TUSC3: variants seen among roughly 807,000 people sequenced by gnomAD.
TUSC3 encodes tumor suppressor candidate 3, also known as dolichyl-diphosphooligosaccharide--protein glycosyltransferase subunit TUSC3.
In TUSC3, 45 loss-of-function variants were observed where a neutral mutation model predicts 44.8. That is an observed-to-expected ratio of 1.00 (90% CI 0.79 to 1.29). The LOEUF is 1.29. Among genes scored for constraint, TUSC3 ranks in the 50% most tolerant of loss-of-function variants. The pLI, the probability that TUSC3 is intolerant of heterozygous loss-of-function variation, is 0.00. For synonymous variants in TUSC3, 212 were observed against 152.9 expected (o/e 1.39, Z -2.85); for missense variants, 519 against 437.9 (o/e 1.19, Z -1.65).
intron 5 of TUSC3, among the ~76,000 whole-genome samples, chr8:15,666,555 GA>G (rs1807669484): frequency 6.6e-6 from 1 of 151,424 alleles, no homozygotes; most frequent in African/African-American, 2.4e-5. Flanking sequence ...TTTATCAGTA[GA>G]AATTTATTTC....
At chr8:15,784,295 C>G in the TUSC3 span, among the ~76,000 whole-genome samples, 1 of 151,974 alleles carries the variant, frequency 6.6e-6, no homozygotes, top group Non-Finnish European at 1.5e-5. Flanking sequence ...GAAGGTTCCT[C>G]AAAACACTAA....
At chr8:15,771,817 G>A in the TUSC3 span, among the ~76,000 whole-genome samples, 8 of 152,228 alleles carry the variant, frequency 5.3e-5, no homozygotes, top group Non-Finnish European at 8.8e-5. Context: ...GGCCGGGCAC[G>A]GTGGCTCACG....
intron 1 of TUSC3, among the ~76,000 whole-genome samples, chr8:15,456,652 T>C (rs1323332771): frequency 6.6e-6 from 1 of 152,134 alleles, no homozygotes; most frequent in Non-Finnish European, 1.5e-5. Context: ...GACTTTTTAT[T>C]AAATGAAAAT....
chr8:15,476,380 A>G (rs1266165266), intron 1 of TUSC3, among the ~76,000 whole-genome samples: 6 of 152,144 alleles, frequency 3.9e-5, no homozygotes, highest in African/African-American at 1.4e-4. Context: ...GGATGTGCTG[A>G]CTTTAACATA....
At chr8:15,616,160 A>G (rs1013354685) in intron 1 of TUSC3, among the ~76,000 whole-genome samples, 3 of 150,696 alleles carry the variant, frequency 2.0e-5, no homozygotes, top group Non-Finnish European at 4.4e-5. Context: ...CTTAAAGAAT[A>G]AAAGTAGAGA....
At chr8:15,496,271 A>G (rs1477569213) in intron 2 of TUSC3, among the ~76,000 whole-genome samples, 1 of 152,164 alleles carries the variant, frequency 6.6e-6, no homozygotes, top group Non-Finnish European at 1.5e-5. Context: ...CTTTTAACAT[A>G]TGTTCTGCCC....
rs7005507 is a variant in TUSC3 at position 15,450,612 on chromosome 8, G to T, written n.92-32774G>T. Among the ~76,000 whole-genome samples the T allele has an allele frequency of 6.8e-3, 1,042 of 152,284 alleles. 8 individuals carry two copies. The highest frequency in any genetic ancestry group is 0.023 in the African/African-American group (974 of 41,544). On this transcript the variant is annotated intron_variant and non_coding_transcript_variant, in intron 1 of 5. Coordinates refer to the TUSC3 transcript ENST00000503191. ...TTGAACCCGGGCGGCAGAGGTTACG[G>T]TGAGCCAAGATTGCAACATTGCATT...
At chr8:15,512,796 C>CAATA (rs1231505890) in intron 2 of TUSC3, among the ~76,000 whole-genome samples, 32 of 147,164 alleles carry the variant, frequency 2.2e-4, no homozygotes, top group African/African-American at 8.1e-4. Flanking sequence ...ATCAATCAAT[C>CAATA]AATAAATCCC....
At chr8:15,848,278 C>T in the TUSC3 span, among the ~76,000 whole-genome samples, 1 of 152,194 alleles carries the variant, frequency 6.6e-6, no homozygotes, top group Non-Finnish European at 1.5e-5. Flanking sequence ...CAGTTCTCCC[C>T]TCTTTCTCAC....
chr8:15,528,006 A>G (rs949689697), intron 2 of TUSC3, among the ~76,000 whole-genome samples: 1 of 152,204 alleles, frequency 6.6e-6, no homozygotes, highest in African/African-American at 2.4e-5. Context: ...TGGTTTTAGC[A>G]CAGATAAATA....
intron 1 of TUSC3, among the ~76,000 whole-genome samples, chr8:15,446,223 G>C (rs1585792817): frequency 6.6e-6 from 1 of 151,648 alleles, no homozygotes; most frequent in Non-Finnish European, 1.5e-5. Flanking sequence ...GCCGGGCAGA[G>C]AGGCTCCTCA....
intron 1 of TUSC3, among the ~76,000 whole-genome samples, chr8:15,573,636 T>C (rs919354956): frequency 6.6e-6 from 1 of 151,454 alleles, no homozygotes; most frequent in African/African-American, 2.4e-5. Context: ...GAGGAAGTTG[T>C]TTATGAACCC....
intron 6 of TUSC3, among the ~76,000 whole-genome samples, chr8:15,714,290 T>C (rs1305576219): frequency 6.6e-6 from 1 of 152,184 alleles, no homozygotes; most frequent in African/African-American, 2.4e-5. Context: ...ATAACAAGTG[T>C]AGCAGTATAT....
chr8:15,427,067 T>G (rs1799812131), intron 1 of TUSC3, among the ~76,000 whole-genome samples: 1 of 146,826 alleles, frequency 6.8e-6, no homozygotes, highest in East Asian at 1.9e-4. Flanking sequence ...TTTTGTTTGT[T>G]GTTTGGTGTT....
intron 7 of TUSC3, among the ~76,000 whole-genome samples, chr8:15,740,562 A>T (rs191744959): frequency 3.9e-4 from 60 of 152,028 alleles, no homozygotes; most frequent in African/African-American, 1.4e-3. Flanking sequence ...AACCCAAAAA[A>T]GAGGAATGAA....
intron 1 of TUSC3, among the ~76,000 whole-genome samples, chr8:15,443,422 C>T (rs1034097054): frequency 6.0e-5 from 9 of 149,818 alleles, no homozygotes; most frequent in African/African-American, 2.2e-4. Context: ...TGGTCTTGAA[C>T]TTCTGGGCTC....
chr8:15,649,361 G>A (rs1168073682), intron 2 of TUSC3, among the ~76,000 whole-genome samples: 1 of 151,898 alleles, frequency 6.6e-6, no homozygotes, highest in African/African-American at 2.4e-5. Context: ...GAGGCGGGCA[G>A]ATCACGAGGT....
chr8:15,500,914 A>G (rs1800955257), intron 2 of TUSC3, among the ~76,000 whole-genome samples: 1 of 152,238 alleles, frequency 6.6e-6, no homozygotes, highest in South Asian at 2.1e-4. Context: ...GCAACCAAAC[A>G]TAATAACTTT....
intron 1 of TUSC3, among the ~76,000 whole-genome samples, chr8:15,429,920 G>C (rs999611721): frequency 1.9e-4 from 29 of 151,574 alleles, no homozygotes; most frequent in African/African-American, 7.1e-4. Context: ...ACCGTCCCAA[G>C]ACTAAACCAG....
Sources: allele counts gnomAD v4.1 joint callset (sites outside exome capture counted in the v4.1 genomes callset), GRCh38; gene constraint gnomAD v4.1.1; transcripts MANE v1.5; gene names NCBI Gene and HGNC (gene_info 2026-07-23, HGNC 2026-07-21).